The following FSTL5 variants were observed in gnomAD, a reference collection of about 807,000 sequenced individuals.
The protein encoded by FSTL5 is follistatin like 5.
In FSTL5, 62 loss-of-function variants were observed where a neutral mutation model predicts 89.1. The observed-to-expected ratio is 0.70, with a 90% CI of 0.57 to 0.86. The LOEUF (loss-of-function observed/expected upper bound fraction) is 0.86, where lower values mean the gene tolerates loss of function less well. Ranked by LOEUF, FSTL5 falls within the 40% of genes least tolerant of loss-of-function variation. FSTL5 has a pLI of 0.00. For synonymous variants in FSTL5, 383 were observed against 346.2 expected, an observed-to-expected ratio of 1.11 and a Z score of -1.18; for missense variants, 1,057 against 1,001.6, an observed-to-expected ratio of 1.06 and a Z score of -0.75.
At chr4:161,938,826 T>C (rs911068031) in intron 3 of FSTL5, among the ~76,000 whole-genome samples, 7 of 152,036 alleles carry the variant, frequency 4.6e-5, no homozygotes, top group African/African-American at 1.7e-4. Context: ...ATTTTAAACT[T>C]TTCTGTATAG....
rs369490910 is a variant in FSTL5, at chr4:161,761,026, AC to A, written c.607-1496del. On this transcript the variant is annotated intron_variant, in intron 5 of 15. Transcript: ENST00000306100. ...GTTAGCACATGCAGTGCTAAATAGA[AC>A]TTTTGCAACTCAGTGAGTTCTTTAT... Among the ~76,000 whole-genome samples, 300 of 152,312 alleles carry A rather than the reference AC, an allele frequency of 2.0e-3. 1 individual carries two copies. The highest frequency in any genetic ancestry group is 3.5e-3 in the Admixed American group (53 of 15,300).
At chr4:161,551,403 T>C (rs1732207542) in intron 8 of FSTL5, among the ~76,000 whole-genome samples, 1 of 151,608 alleles carries the variant, frequency 6.6e-6, no homozygotes, top group African/African-American at 2.4e-5. Flanking sequence ...TGTCTGTTCA[T>C]GTCCTTTGTC....
At chr4:161,622,570 T>TAA (rs1037811404) in intron 7 of FSTL5, among the ~76,000 whole-genome samples, 58 of 152,070 alleles carry the variant, frequency 3.8e-4, no homozygotes, top group African/African-American at 1.3e-3. Context: ...TATATATATA[T>TAA]AATGACCAAG....
chr4:161,810,924 GT>G (rs1730117495), intron 4 of FSTL5, among the ~76,000 whole-genome samples: 1 of 152,124 alleles, frequency 6.6e-6, no homozygotes, highest in South Asian at 2.1e-4. Flanking sequence ...AAGATCTATT[GT>G]TTTTAAAGCA....
In FSTL5 at chr4:161,602,219, G is replaced by C. The variant is rs1038021236; in HGVS notation, c.895-14644C>G. Among the ~76,000 whole-genome samples, 24 of 145,320 alleles carry C rather than the reference G, an allele frequency of 1.7e-4. 1 individual carries two copies. Among genetic ancestry groups the C allele is most frequent in the South Asian group, 1.6e-3 (7 of 4,408 alleles). On this transcript the variant is annotated intron_variant, in intron 7 of 15. Coordinates refer to ENST00000306100, the MANE Select transcript of FSTL5 (RefSeq NM_020116.5). ...GCGTGTGCGCACGCATGCACACACA[G>C]AGAGAGAGTGAGAGAGTGAGAGAGA...
rs559572422 is a variant in FSTL5 at position 161,898,876 on chromosome 4, G to A, written c.409+21528C>T. ...GATCTCCTGACCTAATGATCCGCCC[G>A]CCTCAGCATCCCAAAGTCCTGGGAT... On this transcript the variant is annotated intron_variant, in intron 4 of 15. Transcript: ENST00000306100. 9.2e-4 allele frequency among the ~76,000 whole-genome samples: 140 copies of A among 151,966 alleles called. 3 individuals are homozygous for A. The South Asian group carries it at 0.028, about 31-fold the overall frequency.
chr4:162,153,605 A>G lies in FSTL5; in HGVS notation c.-17+10010T>C, dbSNP rs566704455. Among the ~76,000 whole-genome samples, 348 of 109,130 alleles carry G rather than the reference A, an allele frequency of 3.2e-3. 1 individual carries two copies. The highest frequency in any genetic ancestry group is 5.2e-3 in the Non-Finnish European group (253 of 48,298). 71.6% of individuals were successfully genotyped at this position (109,130 alleles called of 152,430 possible). On this transcript the variant is annotated intron_variant, in intron 1 of 15. Transcript: ENST00000306100. Reference sequence around the variant, plus strand: ...AAAATAACTATATATATGTGTGTGTATATATATGTATATTATATATGTATA... The same window carrying G: ...AAAATAACTATATATATGTGTGTGTGTATATATGTATATTATATATGTATA...
intron 1 of FSTL5, among the ~76,000 whole-genome samples, chr4:162,115,228 C>T (rs1344977338): frequency 6.6e-6 from 1 of 152,030 alleles, no homozygotes; most frequent in African/African-American, 2.4e-5. Flanking sequence ...ACAAATGAAT[C>T]CAATTATATA....
chr4:161,740,033 T>G (rs1033764140), intron 6 of FSTL5, among the ~76,000 whole-genome samples: 1 of 150,954 alleles, frequency 6.6e-6, no homozygotes, highest in African/African-American at 2.4e-5. Context: ...TTTATTTATT[T>G]ATTGAGACAG....
At chr4:162,091,655 T>A (rs1052755762) in intron 2 of FSTL5, among the ~76,000 whole-genome samples, 5 of 151,948 alleles carry the variant, frequency 3.3e-5, no homozygotes, top group African/African-American at 1.2e-4. Flanking sequence ...GAGTTTTAAG[T>A]TTGTTTGTCC....
intron 2 of FSTL5, among the ~76,000 whole-genome samples, chr4:162,061,362 T>A (rs1738712512): frequency 6.6e-6 from 1 of 152,172 alleles, no homozygotes; most frequent in Non-Finnish European, 1.5e-5. Context: ...GATTCTGATG[T>A]CCTCTGGAAT....
intron 6 of FSTL5, among the ~76,000 whole-genome samples, chr4:161,726,584 A>G (rs1188182239): frequency 6.6e-6 from 1 of 152,172 alleles, no homozygotes; most frequent in Non-Finnish European, 1.5e-5. Flanking sequence ...CATGTGCATT[A>G]TGCACACAAA....
chr4:161,601,330 A>G (rs1472734732), intron 7 of FSTL5, among the ~76,000 whole-genome samples: 4 of 11,756 alleles, frequency 3.4e-4, no homozygotes, highest in African/African-American at 7.5e-4. Context: ...AAATAGTTGG[A>G]AAAAAAAAAA....
intron 1 of FSTL5, among the ~76,000 whole-genome samples, chr4:162,114,815 T>A (rs1480475095): frequency 3.3e-5 from 5 of 152,174 alleles, no homozygotes; most frequent in Admixed American, 1.3e-4. Context: ...ATAGGCAACC[T>A]ATTTGTGCTA....
At chr4:162,019,118 T>C (rs1736997829) in intron 3 of FSTL5, among the ~76,000 whole-genome samples, 1 of 152,124 alleles carries the variant, frequency 6.6e-6, no homozygotes, top group Non-Finnish European at 1.5e-5. Context: ...CATCTGAAAT[T>C]TGGTTGTTTG....
At chr4:161,567,133 A>T (rs576032388) in intron 8 of FSTL5, among the ~76,000 whole-genome samples, 1 of 152,228 alleles carries the variant, frequency 6.6e-6, no homozygotes, top group East Asian at 1.9e-4. Context: ...GAACTTTAGA[A>T]ATGTCATTGT....
At chr4:161,702,870 T>C (rs1738445139) in intron 6 of FSTL5, among the ~76,000 whole-genome samples, 1 of 152,080 alleles carries the variant, frequency 6.6e-6, no homozygotes, top group Non-Finnish European at 1.5e-5. Context: ...TTGTGTCCCC[T>C]ACAAAATTTA....
At chr4:161,672,023 T>C (rs1737132130) in intron 6 of FSTL5, among the ~76,000 whole-genome samples, 2 of 152,204 alleles carry the variant, frequency 1.3e-5, no homozygotes, top group African/African-American at 4.8e-5. Context: ...AGAGAGTATT[T>C]ACATTTTAAT....
intron 4 of FSTL5, among the ~76,000 whole-genome samples, chr4:161,917,238 G>A (rs1166087157): frequency 6.6e-6 from 1 of 152,180 alleles, no homozygotes; most frequent in Non-Finnish European, 1.5e-5. Flanking sequence ...TTGCAGGCAT[G>A]AGCCACCGCG....
Sources: allele counts gnomAD v4.1 joint callset (sites outside exome capture counted in the v4.1 genomes callset), GRCh38; gene constraint gnomAD v4.1.1; transcripts MANE v1.5; gene names NCBI Gene and HGNC (gene_info 2026-07-23, HGNC 2026-07-21).